SDK1: variants seen among roughly 807,000 people sequenced by gnomAD.
SDK1 encodes sidekick cell adhesion molecule 1, also known as protein sidekick-1.
Under a neutral mutation model 245.5 loss-of-function variants are expected in SDK1, and 157 were observed. The ratio of observed to expected loss-of-function variants is 0.64; its 90% CI spans 0.56 to 0.73. The LOEUF (loss-of-function observed/expected upper bound fraction) is 0.73. Ranked by LOEUF, SDK1 falls within the 30% of genes least tolerant of loss-of-function variation. The pLI, the probability that SDK1 is intolerant of heterozygous loss-of-function variation, is 0.00. For missense variants in SDK1, 3,583 were observed against 3,002.3 expected, an observed-to-expected ratio of 1.19 and a Z score of -4.52; for synonymous variants, 1,647 against 1,278.5, an observed-to-expected ratio of 1.29 and a Z score of -6.15.
chr7:3,491,672 C>G (rs954306628), intron 1 of SDK1, among the ~76,000 whole-genome samples: 5 of 152,222 alleles, frequency 3.3e-5, no homozygotes, highest in African/African-American at 7.2e-5. Context: ...GCAGTACACA[C>G]ATTCTCAGTT....
intron 5 of SDK1, among the ~76,000 whole-genome samples, chr7:3,846,232 G>T (rs980762055): frequency 6.6e-6 from 1 of 152,184 alleles, no homozygotes; most frequent in East Asian, 1.9e-4. Context: ...GGAAAAATGT[G>T]CTGGCATATC....
At chr7:4,234,007 C>T (rs866510674) in intron 41 of SDK1, among the ~76,000 whole-genome samples, 9 of 152,198 alleles carry the variant, frequency 5.9e-5, no homozygotes, top group South Asian at 4.1e-4. Context: ...AGCAGAGCCC[C>T]GATCCCCTGT....
intron 1 of SDK1, among the ~76,000 whole-genome samples, chr7:3,520,370 C>G (rs1415463242): frequency 6.6e-6 from 1 of 152,114 alleles, no homozygotes; most frequent in Non-Finnish European, 1.5e-5. Context: ...TCTATTGAGT[C>G]CTTGTATGGT....
chr7:4,002,898 C>T (rs1320130746), intron 14 of SDK1, among the ~76,000 whole-genome samples: 1 of 152,212 alleles, frequency 6.6e-6, no homozygotes, highest in African/African-American at 2.4e-5. Flanking sequence ...AGCTCCAGGT[C>T]GCTCTGTTCA....
chr7:3,881,438 C>T (rs1408419734), intron 5 of SDK1, among the ~76,000 whole-genome samples: 1 of 152,234 alleles, frequency 6.6e-6, no homozygotes, highest in East Asian at 1.9e-4. Context: ...AGATTTCATT[C>T]CTTTTTGTGG....
chr7:4,240,314 C>A (rs947229775), intron 42 of SDK1, among the ~76,000 whole-genome samples: 1 of 152,138 alleles, frequency 6.6e-6, no homozygotes, highest in African/African-American at 2.4e-5. Context: ...TAACACTTAT[C>A]TACCAGAATG....
chr7:4,073,637 C>T (rs561726490), intron 20 of SDK1, among the ~76,000 whole-genome samples: 1 of 152,124 alleles, frequency 6.6e-6, no homozygotes, highest in Non-Finnish European at 1.5e-5. Flanking sequence ...TCAGAGTAGA[C>T]CCCGAGGATC....
chr7:3,995,700 TTG>T lies in SDK1; in HGVS notation c.2131+8382_2131+8383del, dbSNP rs1048456906. ...CGGGTCTTCTGAGGGTTGTTTTAGT[TTG>T]TGTTTCGACTGCTAGTATTCTTGAA... is the stretch of plus-strand genomic sequence containing the variant. On this transcript the variant is annotated intron_variant, in intron 14 of 44. Transcript: ENST00000404826. Among the ~76,000 whole-genome samples the T allele has an allele frequency of 2.0e-5, 3 of 152,322 alleles. No homozygotes were observed. In the East Asian group the frequency reaches 5.8e-4, roughly 29 times the overall value.
rs946163201 is a variant in SDK1, at chr7:4,145,601, C to A, written c.4229-121C>A. On this transcript the variant is annotated intron_variant, in intron 28 of 44. Transcript: ENST00000404826. ...CACCCTTTCAGTGCACAGGCAGTGA[C>A]CTCCAGAGACGGGGAAGAGACAGAT... The A allele has an allele frequency of 4.7e-6, 4 of 858,178 alleles. No individual in the cohort carries two copies. In the African/African-American group the frequency reaches 6.9e-5, roughly 15 times the overall value. The allele number at this position is 858,178 out of a possible 1,614,324, so 53.2% of individuals were successfully genotyped here. A position where few individuals can be genotyped will look rare whatever the true frequency, so the allele number is the denominator to read the frequency against.
chr7:3,554,431 G>A (rs946579987), intron 1 of SDK1, among the ~76,000 whole-genome samples: 3 of 152,040 alleles, frequency 2.0e-5, no homozygotes, highest in South Asian at 4.2e-4. Context: ...TATTTGGGAC[G>A]CAGGTAAAGC....
At chr7:4,015,155 T>C (rs905738279) in intron 16 of SDK1, among the ~76,000 whole-genome samples, 1 of 152,198 alleles carries the variant, frequency 6.6e-6, no homozygotes, top group African/African-American at 2.4e-5. Context: ...AGAATGGAAA[T>C]GCTACTGTCG....
At chr7:3,677,005 A>G (rs1435301808) in intron 4 of SDK1, among the ~76,000 whole-genome samples, 1 of 152,122 alleles carries the variant, frequency 6.6e-6, no homozygotes, top group Non-Finnish European at 1.5e-5. Flanking sequence ...TGTTCCCTGG[A>G]CATACCAAGG....
At chr7:3,745,091 C>A (rs1271725266) in intron 4 of SDK1, among the ~76,000 whole-genome samples, 1 of 152,126 alleles carries the variant, frequency 6.6e-6, no homozygotes, top group Non-Finnish European at 1.5e-5. Context: ...CTCCAAGTTC[C>A]CTGCCATTGC....
chr7:3,397,275 A>T (rs1428895155), intron 1 of SDK1, among the ~76,000 whole-genome samples: 1 of 151,916 alleles, frequency 6.6e-6, no homozygotes, highest in African/African-American at 2.4e-5. Context: ...ATATTTACCT[A>T]TTTAATTGCC....
At position 4,207,595 on chromosome 7, in the gene SDK1, C is replaced by T. The variant is rs373934699; in HGVS notation, c.5215-504C>T. Among the ~76,000 whole-genome samples, 17 of 152,152 alleles carry T rather than the reference C, an allele frequency of 1.1e-4. No individual in the cohort carries two copies. The South Asian group carries it at 3.1e-3, about 28-fold the overall frequency. On this transcript the variant is annotated intron_variant, in intron 36 of 44. Transcript: ENST00000404826. ...GCCATATTGAGGAAAACTTAGATGT[C>T]GGCTCTGAATAAAATGTGGGAACAC...
chr7:3,369,290 C>T (rs6962244), intron 1 of SDK1, among the ~76,000 whole-genome samples: 17,062 of 152,132 alleles, frequency 0.11, 1,121 homozygotes, highest in African/African-American at 0.18. Flanking sequence ...GTCCACCTGC[C>T]TCGGCCTCCC....
chr7:3,405,645 C>G (rs971840244), intron 1 of SDK1, among the ~76,000 whole-genome samples: 1 of 152,018 alleles, frequency 6.6e-6, no homozygotes, highest in Non-Finnish European at 1.5e-5. Flanking sequence ...GTAGTGTTAT[C>G]AGATATGGTT....
chr7:3,520,732 T>G (rs1782911522), intron 1 of SDK1, among the ~76,000 whole-genome samples: 1 of 152,194 alleles, frequency 6.6e-6, no homozygotes, highest in African/African-American at 2.4e-5. Context: ...TGTCGATACT[T>G]GAACCCTTTT....
chr7:4,247,488 G>C (rs4723527), intron 44 of SDK1, among the ~76,000 whole-genome samples: 108,703 of 152,266 alleles, frequency 0.71, 40,604 homozygotes, highest in African/African-American at 0.93. Context: ...AAGCTTATCA[G>C]AAGCTCGCTG....
Sources: allele counts gnomAD v4.1 joint callset (sites outside exome capture counted in the v4.1 genomes callset), GRCh38; gene constraint gnomAD v4.1.1; transcripts MANE v1.5; gene names NCBI Gene and HGNC (gene_info 2026-07-23, HGNC 2026-07-21).